AKAP6: variants seen among roughly 807,000 people sequenced by gnomAD.
The protein encoded by AKAP6 is A-kinase anchoring protein 6.
A neutral mutation model predicts 188.5 loss-of-function variants in AKAP6; 58 were observed. The ratio of observed to expected loss-of-function variants is 0.31; its 90% CI spans 0.25 to 0.38. The LOEUF (loss-of-function observed/expected upper bound fraction) is 0.38. Ranked by LOEUF, AKAP6 falls within the 10% of genes least tolerant of loss-of-function variation. The pLI, the probability that AKAP6 is intolerant of heterozygous loss-of-function variation, is 1.00. For missense variants in AKAP6, 2,710 were observed against 2,740.0 expected (o/e 0.99, Z 0.24); for synonymous variants, 989 against 998.6 (o/e 0.99, Z 0.18).
At chr14:32,645,217 A>G (rs1274111922) in intron 7 of AKAP6, among the ~76,000 whole-genome samples, 5 of 152,174 alleles carry the variant, frequency 3.3e-5, no homozygotes, top group South Asian at 2.1e-4. Flanking sequence ...TTTTTTGTAT[A>G]TATAGTATTA....
chr14:32,747,448 A>G (rs2031959382), intron 11 of AKAP6, among the ~76,000 whole-genome samples: 1 of 152,196 alleles, frequency 6.6e-6, no homozygotes, highest in African/African-American at 2.4e-5. Flanking sequence ...ATCAAACAGG[A>G]CTTAATCCTT....
chr14:32,543,406 A>C (rs550146718), intron 3 of AKAP6, among the ~76,000 whole-genome samples: 13 of 152,202 alleles, frequency 8.5e-5, no homozygotes, highest in Non-Finnish European at 1.9e-4. Flanking sequence ...ATAGTATTCC[A>C]TTGTGGATAT....
intron 12 of AKAP6, among the ~76,000 whole-genome samples, chr14:32,787,751 T>A (rs147656710): frequency 3.8e-4 from 58 of 152,270 alleles, no homozygotes; most frequent in Admixed American, 7.2e-4. Context: ...TTAGAGTATT[T>A]CTAGGTAAGC....
At chr14:32,385,652 A>G (rs991334513) in intron 1 of AKAP6, among the ~76,000 whole-genome samples, 21 of 151,520 alleles carry the variant, frequency 1.4e-4, no homozygotes, top group Non-Finnish European at 1.5e-4. Context: ...GAGTGAGAAC[A>G]TACAATGTTT....
At chr14:32,378,816 T>C (rs1308204578) in intron 1 of AKAP6, among the ~76,000 whole-genome samples, 4 of 152,214 alleles carry the variant, frequency 2.6e-5, no homozygotes, top group Admixed American at 6.5e-5. Context: ...CTCATCTATG[T>C]GAATTTTCCG....
At position 32,492,355 on chromosome 14, in the gene AKAP6, T is replaced by TATATATAGAGAGAGAGAGAG; in HGVS notation, c.325-43198_325-43197insTATATAGAGAGAGAGAGAGA. 1.6e-3 allele frequency among the ~76,000 whole-genome samples: 136 copies of TATATATAGAGAGAGAGAGAG among 82,596 alleles called. 1 individual carries two copies. Among genetic ancestry groups the TATATATAGAGAGAGAGAGAG allele is most frequent in the East Asian group, 0.015 (23 of 1,524 alleles). 54.2% of individuals were successfully genotyped at this position (82,596 alleles called of 152,430 possible). On this transcript the variant is annotated intron_variant, in intron 2 of 13. Coordinates refer to ENST00000280979, the MANE Select transcript of AKAP6 (RefSeq NM_004274.5). The stretch of plus-strand genomic sequence containing the variant: ...ACATTGTAATATATATATATATATA[T>TATATATAGAGAGAGAGAGAG]AGAGAGAGAGAGAGAGAGAGAGAGA...
intron 13 of AKAP6, among the ~76,000 whole-genome samples, chr14:32,827,350 G>T (rs551960211): frequency 9.4e-4 from 134 of 142,502 alleles, no homozygotes; most frequent in African/African-American, 2.7e-3. Context: ...CATTTGCTTG[G>T]TTTTTTTTTT....
chr14:32,802,049 C>T (rs780012353), intron 12 of AKAP6, among the ~76,000 whole-genome samples: 1 of 152,154 alleles, frequency 6.6e-6, no homozygotes, highest in African/African-American at 2.4e-5. Context: ...ATACTCTCAA[C>T]CATTTCACTT....
chr14:32,695,701 T>A (rs139719172), intron 8 of AKAP6, among the ~76,000 whole-genome samples: 1 of 152,192 alleles, frequency 6.6e-6, no homozygotes, highest in African/African-American at 2.4e-5. Flanking sequence ...GTGATCTTTT[T>A]GTTCAAGTGC....
chr14:32,331,409 G>A (rs568256089), intron 1 of AKAP6, among the ~76,000 whole-genome samples: 17 of 152,058 alleles, frequency 1.1e-4, no homozygotes, highest in South Asian at 1.0e-3. Flanking sequence ...GTGGACTGAC[G>A]CAGTTATCTA....
At chr14:32,566,937 T>G (rs778882345) in intron 4 of AKAP6, among the ~76,000 whole-genome samples, 16 of 152,106 alleles carry the variant, frequency 1.1e-4, no homozygotes, top group Non-Finnish European at 2.9e-5. Context: ...AATTTTTTTT[T>G]TCTTAGAGAC....
chr14:32,662,539 C>T (rs1240926340), intron 7 of AKAP6, among the ~76,000 whole-genome samples: 1 of 152,124 alleles, frequency 6.6e-6, no homozygotes, highest in African/African-American at 2.4e-5. Flanking sequence ...CCTCTATTCA[C>T]TATTCCCTAC....
chr14:32,433,633 A>G lies in AKAP6; in HGVS notation c.140A>G (p.Asp47Gly). The change falls in exon 2 of 14, where the codon GAC becomes GGC. Residue 47 changes from aspartate (D) to glycine (G), a missense_variant. Physicochemically the swap from Asp to Gly is moderately conservative, Grantham distance 94. Transcript: ENST00000280979. Reference protein sequence around the residue: ...GEGEEAMKDMDSDQQYEKPPP... With the variant: ...GEGEEAMKDMGSDQQYEKPPP... ...GGAGAAGAGGCAATGAAGGACATGG[A>G]CTCTGACCAGCAGTATGAAAAGCCA... 1 of 1,614,092 alleles carries G rather than the reference A, an allele frequency of 6.2e-7. No individual in the cohort carries two copies. The highest frequency in any genetic ancestry group is 8.5e-7 in the Non-Finnish European group (1 of 1,180,018).
intron 1 of AKAP6, among the ~76,000 whole-genome samples, chr14:32,390,429 T>C (rs193001989): frequency 1.1e-4 from 17 of 152,270 alleles, no homozygotes; most frequent in African/African-American, 4.1e-4. Flanking sequence ...GAACTTTGTT[T>C]AGTCATATTA....
At chr14:32,783,155 A>G (rs974673108) in intron 12 of AKAP6, among the ~76,000 whole-genome samples, 10 of 152,166 alleles carry the variant, frequency 6.6e-5, no homozygotes, top group African/African-American at 2.4e-4. Flanking sequence ...AATTCAATGA[A>G]GAAAGGATAG....
intron 11 of AKAP6, among the ~76,000 whole-genome samples, chr14:32,759,831 C>T (rs1001120529): frequency 2.6e-5 from 4 of 152,112 alleles, no homozygotes; most frequent in East Asian, 1.9e-4. Flanking sequence ...GATCTTCCCC[C>T]ATGACCCAAA....
intron 11 of AKAP6, among the ~76,000 whole-genome samples, chr14:32,754,767 G>A (rs1355328193): frequency 1.3e-5 from 2 of 151,984 alleles, no homozygotes; most frequent in East Asian, 1.9e-4. Context: ...TGCCAAATAT[G>A]GTATTCTTGG....
intron 2 of AKAP6, among the ~76,000 whole-genome samples, chr14:32,451,317 A>T (rs1207562590): frequency 2.6e-5 from 4 of 152,136 alleles, no homozygotes; most frequent in African/African-American, 9.7e-5. Flanking sequence ...TTTTTAAAAA[A>T]CCTGATCCTA....
intron 4 of AKAP6, among the ~76,000 whole-genome samples, chr14:32,551,705 C>T (rs890008769): frequency 6.6e-6 from 1 of 151,844 alleles, no homozygotes; most frequent in Non-Finnish European, 1.5e-5. Context: ...GTCGCCCAGG[C>T]TGGAGTGCAG....
Sources: allele counts gnomAD v4.1 joint callset (sites outside exome capture counted in the v4.1 genomes callset), GRCh38; gene constraint gnomAD v4.1.1; transcripts MANE v1.5; gene names NCBI Gene and HGNC (gene_info 2026-07-23, HGNC 2026-07-21).